ATP2B2: variants seen among roughly 807,000 people sequenced by gnomAD.
ATP2B2 encodes the protein plasma membrane calcium-transporting ATPase 2.
A neutral mutation model predicts 120.0 loss-of-function variants in ATP2B2; 15 were observed. The observed-to-expected ratio is 0.12, with a 90% confidence interval of 0.08 to 0.19. The LOEUF is 0.19. Ranked by LOEUF, ATP2B2 falls within the 10% of genes least tolerant of loss-of-function variation. ATP2B2 has a pLI of 1.00. For synonymous variants in ATP2B2, 694 were observed against 700.3 expected (o/e 0.99, Z 0.14); for missense variants, 1,045 against 1,719.8 (o/e 0.61, Z 6.94).
At chr3:10,565,772 C>T (rs1245798429) in intron 2 of ATP2B2, among the ~76,000 whole-genome samples, 2 of 152,148 alleles carry the variant, frequency 1.3e-5, no homozygotes, top group African/African-American at 4.8e-5. Flanking sequence ...GGCTAAGTTA[C>T]TTCAACAAAC....
intron 5 of ATP2B2, among the ~76,000 whole-genome samples, chr3:10,399,675 C>T (rs995161221): frequency 3.3e-5 from 5 of 152,210 alleles, no homozygotes; most frequent in Admixed American, 3.3e-4. Flanking sequence ...ATGCCCCCAC[C>T]TCTATTCTCA....
Position 10,327,920 on chromosome 3 carries a change from G to A in ATP2B2, c.*894C>T, listed in dbSNP as rs2059886928. On this transcript the variant is annotated 3_prime_UTR_variant, in exon 23 of 23. Coordinates refer to ENST00000360273, the MANE Select transcript of ATP2B2 (RefSeq NM_001001331.4). ...ACATCCAGGATGCAACCCAGGGGAA[G>A]TGTCTGTTGGGCCGAGCTGTTTTTA... 6.6e-6 allele frequency: 1 copy of A among 152,650 alleles called. No homozygotes were observed. The highest frequency in any genetic ancestry group is 1.5e-5 in the Non-Finnish European group (1 of 68,040). The allele number at this position is 152,650 out of a possible 1,614,324, so 9.5% of individuals were successfully genotyped here. A position where few individuals can be genotyped will look rare whatever the true frequency, so the allele number is the denominator to read the frequency against.
chr3:10,584,055 A>G (rs2068451670), intron 2 of ATP2B2, among the ~76,000 whole-genome samples: 1 of 152,192 alleles, frequency 6.6e-6, no homozygotes, highest in South Asian at 2.1e-4. Flanking sequence ...GCCCTCCTGC[A>G]AGGGACAGTC....
upstream of ATP2B2, among the ~76,000 whole-genome samples, chr3:10,509,376 A>G (rs752751906): frequency 8.5e-5 from 13 of 152,120 alleles, no homozygotes; most frequent in Non-Finnish European, 1.3e-4. Flanking sequence ...CTGCTGCCCC[A>G]AAGAGCTGTC....
chr3:10,462,079 C>G (rs993835689), intron 1 of ATP2B2, among the ~76,000 whole-genome samples: 1 of 152,280 alleles, frequency 6.6e-6, no homozygotes, highest in African/African-American at 2.4e-5. Flanking sequence ...TTGCCTCTCC[C>G]TGGGCAATGA....
intron 2 of ATP2B2, among the ~76,000 whole-genome samples, chr3:10,427,023 A>G (rs1374736981): frequency 2.0e-5 from 3 of 152,244 alleles, no homozygotes; most frequent in African/African-American, 4.8e-5. Context: ...CAGGGCCTGC[A>G]TTAAGAGGTT....
intron 2 of ATP2B2, among the ~76,000 whole-genome samples, chr3:10,424,681 C>T (rs961366475): frequency 3.3e-5 from 5 of 152,158 alleles, no homozygotes; most frequent in Non-Finnish European, 1.5e-5. Context: ...AACGGTGGTA[C>T]ATCTATTCCA....
At chr3:10,350,710 T>C (rs1019077245) in intron 14 of ATP2B2, 133 bp from the exon 15 acceptor site, 2 of 933,944 alleles carry the variant, frequency 2.1e-6, no homozygotes, top group East Asian at 2.6e-5. Context: ...GAGATGCTGA[T>C]GACGCACATG....
At chr3:10,602,096 C>A (rs1002041343) in intron 2 of ATP2B2, among the ~76,000 whole-genome samples, 1 of 152,240 alleles carries the variant, frequency 6.6e-6, no homozygotes, top group African/African-American at 2.4e-5. Context: ...CAGCCAGAGG[C>A]AGTGCTGGGT....
intron 16 of ATP2B2, among the ~76,000 whole-genome samples, chr3:10,348,461 G>A (rs961391727): frequency 1.1e-4 from 16 of 152,174 alleles, no homozygotes; most frequent in East Asian, 1.9e-4. Flanking sequence ...AGGCCATGAC[G>A]GGGTGCTCGT....
At chr3:10,425,302 G>T (rs186479883) in intron 2 of ATP2B2, among the ~76,000 whole-genome samples, 1 of 150,282 alleles carries the variant, frequency 6.7e-6, no homozygotes, top group African/African-American at 2.5e-5. Context: ...AGAGCGAGAT[G>T]CTGTCTCAAA....
intron 12 of ATP2B2, among the ~76,000 whole-genome samples, chr3:10,365,504 G>A (rs888054261): frequency 5.3e-5 from 8 of 152,126 alleles, no homozygotes; most frequent in Non-Finnish European, 1.2e-4. Context: ...GCGGGTGTCC[G>A]GGACGACAGA....
At chr3:10,409,702 G>C (rs1467256123) in intron 3 of ATP2B2, among the ~76,000 whole-genome samples, 6 of 152,104 alleles carry the variant, frequency 3.9e-5, no homozygotes, top group African/African-American at 1.4e-4. Context: ...GGCTTGGGAG[G>C]GGGCAGGACA....
At chr3:10,619,597 G>T (rs1186028184) in intron 2 of ATP2B2, among the ~76,000 whole-genome samples, 1 of 152,208 alleles carries the variant, frequency 6.6e-6, no homozygotes, top group African/African-American at 2.4e-5. Context: ...AAGTGGCAAT[G>T]CGTAGGCTCT....
At chr3:10,478,401 T>C (rs1370688601) in intron 1 of ATP2B2, among the ~76,000 whole-genome samples, 1 of 152,228 alleles carries the variant, frequency 6.6e-6, no homozygotes, top group Non-Finnish European at 1.5e-5. Context: ...TACTTTTTCT[T>C]TTGTTGTCTG....
At chr3:10,691,411 C>T (rs1045624930) in intron 1 of ATP2B2, among the ~76,000 whole-genome samples, 1 of 152,196 alleles carries the variant, frequency 6.6e-6, no homozygotes, top group African/African-American at 2.4e-5. Flanking sequence ...ATGGGAGGAC[C>T]AAGACTAGTT....
At chr3:10,672,881 C>T (rs530478333) in intron 1 of ATP2B2, among the ~76,000 whole-genome samples, 35 of 152,286 alleles carry the variant, frequency 2.3e-4, no homozygotes, top group Non-Finnish European at 3.7e-4. Context: ...AGGGGATCCA[C>T]GCTGACATCC....
intron 3 of ATP2B2, among the ~76,000 whole-genome samples, chr3:10,514,502 T>TGA (rs1231047781): frequency 6.6e-6 from 1 of 152,162 alleles, no homozygotes; most frequent in African/African-American, 2.4e-5. Flanking sequence ...TATGTGGACT[T>TGA]GCGGCGCATC....
chr3:10,602,304 C>T (rs1302671443), intron 2 of ATP2B2, among the ~76,000 whole-genome samples: 1 of 152,230 alleles, frequency 6.6e-6, no homozygotes, highest in Non-Finnish European at 1.5e-5. Context: ...CTTTCCCAGA[C>T]TCTGCCGTTG....
Sources: gnomAD v4.1 joint callset for allele counts (sites outside exome capture counted in the v4.1 genomes callset) on GRCh38, gnomAD v4.1.1 for gene constraint, MANE v1.5 for transcripts, NCBI Gene and HGNC (gene_info 2026-07-23, HGNC 2026-07-21) for gene names.